PLAC1: variants seen among roughly 807,000 people sequenced by gnomAD.
The protein encoded by PLAC1 is placenta-specific protein 1.
For synonymous variants in PLAC1, 68 were observed against 62.1 expected, an observed-to-expected ratio of 1.09 and a Z score of -0.44; for missense variants, 136 against 163.2, an observed-to-expected ratio of 0.83 and a Z score of 0.91.
intron 1 of PLAC1, among the ~76,000 whole-genome samples, chrX:134,751,340 C>G (rs1469666791): frequency 9.2e-6 from 1 of 109,127 alleles, no homozygotes; most frequent in Non-Finnish European, 1.9e-5. Context: ...TATTTCCTAT[C>G]CCATTGGCTC....
intron 1 of PLAC1, among the ~76,000 whole-genome samples, chrX:134,654,679 G>C (rs2078380438): frequency 8.9e-6 from 1 of 112,303 alleles, no homozygotes; most frequent in Non-Finnish European, 1.9e-5. Flanking sequence ...CAGTGGCTCA[G>C]AGGCCATGTT....
In PLAC1 at chrX:134,744,895, T is replaced by C. The variant is rs139156335; in HGVS notation, n.90-11376A>G. Among the ~76,000 whole-genome samples, 378 of 111,826 alleles carry C rather than the reference T, an allele frequency of 3.4e-3. 1 individual carries two copies. The highest frequency in any genetic ancestry group is 0.01 in the African/African-American group (318 of 30,757). On this transcript the variant is annotated intron_variant and non_coding_transcript_variant, in intron 1 of 2. Transcript: ENST00000466797. ...CACATACTCCTTGTCATTGAATAAA[T>C]TGGTGTTCCAGATTACAGTCTCTTC...
At chrX:134,580,372 C>T (rs1390080888) in intron 2 of PLAC1, among the ~76,000 whole-genome samples, 1 of 112,041 alleles carries the variant, frequency 8.9e-6, no homozygotes, top group African/African-American at 3.2e-5. Flanking sequence ...TCACTTAACC[C>T]TCATAGCAAC....
intron 2 of PLAC1, among the ~76,000 whole-genome samples, chrX:134,678,804 G>A (rs1207295198): frequency 9.0e-6 from 1 of 111,649 alleles, no homozygotes; most frequent in Non-Finnish European, 1.9e-5. Flanking sequence ...AAGGATTTTT[G>A]CAGATGTAAT....
In PLAC1 at chrX:134,672,961, C is replaced by T. The variant is rs750972167; in HGVS notation, n.174+60474G>A. Among the ~76,000 whole-genome samples the T allele has an allele frequency of 6.2e-5, 7 of 112,346 alleles. No homozygotes were observed. The East Asian group carries it at 2.0e-3, about 31-fold the overall frequency. ...ACTGAGTACTTTGTCAAGGCTCAAACTCCTTATGTAAGTCACAAAAATATG... is the reference window on the plus strand; with the variant it reads ...ACTGAGTACTTTGTCAAGGCTCAAATTCCTTATGTAAGTCACAAAAATATG... On this transcript the variant is annotated intron_variant and non_coding_transcript_variant, in intron 2 of 2. Transcript: ENST00000466797.
intron 2 of PLAC1, among the ~76,000 whole-genome samples, chrX:134,730,674 C>G (rs900703223): frequency 9.0e-6 from 1 of 111,068 alleles, no homozygotes; most frequent in African/African-American, 3.3e-5. Context: ...GTCTCAAATT[C>G]CTGGGCTCAG....
intron 1 of PLAC1, among the ~76,000 whole-genome samples, chrX:134,638,151 G>A (rs1006774779): frequency 8.9e-6 from 1 of 112,142 alleles, no homozygotes. Context: ...TCACTGGCAC[G>A]TATCGTTTAC....
At chrX:134,650,525 C>T (rs922585793) in intron 1 of PLAC1, among the ~76,000 whole-genome samples, 2 of 111,067 alleles carry the variant, frequency 1.8e-5, no homozygotes. Flanking sequence ...TCTCTGACCC[C>T]CTCAAAATGG....
At chrX:134,717,190 G>A (rs1424937054) in intron 2 of PLAC1, among the ~76,000 whole-genome samples, 1 of 111,563 alleles carries the variant, frequency 9.0e-6, no homozygotes, top group East Asian at 2.8e-4. Flanking sequence ...GTACGTGTGC[G>A]TTCTGGGTAG....
Position 134,690,075 on chromosome X carries a change from T to C in PLAC1, n.174+43360A>G, listed in dbSNP as rs2078531065. ...CCACCACTCTACTGTCTCTATAAAT[T>C]TGACTACTCTAGGTATCTCATATGA... On this transcript the variant is annotated intron_variant and non_coding_transcript_variant, in intron 2 of 2. Transcript: ENST00000466797. Among the ~76,000 whole-genome samples the C allele has an allele frequency of 5.4e-5, 6 of 111,578 alleles. No homozygotes were observed. In the South Asian group the frequency reaches 2.3e-3, roughly 42 times the overall value.
chrX:134,649,769 G>A (rs781005064), intron 1 of PLAC1, among the ~76,000 whole-genome samples: 2 of 112,323 alleles, frequency 1.8e-5, no homozygotes, highest in South Asian at 7.5e-4. Flanking sequence ...GAAGTGCTGG[G>A]CCTCAGAAAA....
At chrX:134,717,080 C>G (rs189023455) in intron 2 of PLAC1, among the ~76,000 whole-genome samples, 219 of 111,745 alleles carry the variant, frequency 2.0e-3, no homozygotes, top group African/African-American at 6.6e-3. Context: ...ATTCTGTGGT[C>G]TAAACCTGAC....
intron 2 of PLAC1, among the ~76,000 whole-genome samples, chrX:134,703,024 T>A (rs1248393520): frequency 8.9e-6 from 1 of 111,993 alleles, no homozygotes; most frequent in Admixed American, 9.6e-5. Flanking sequence ...AAAAAAGGTG[T>A]TAAATTGTGT....
chrX:134,647,410 C>CTGTGTGTG lies in PLAC1; in HGVS notation c.-131+10910_-131+10917dup, dbSNP rs200761671. On this transcript the variant is annotated intron_variant, in intron 1 of 2. Coordinates refer to ENST00000359237, the MANE Select transcript of PLAC1 (RefSeq NM_021796.4). Reference sequence around the variant, plus strand: ...CTTCTATGTGTGGGCATGCATGCATCTGTGTGTGTGTGTGTGTGTGTGTGT... The same window carrying CTGTGTGTG: ...CTTCTATGTGTGGGCATGCATGCATCTGTGTGTGTGTGTGTGTGTGTGTGTGTGTGTGT... Among the ~76,000 whole-genome samples, 221 of 90,134 alleles carry CTGTGTGTG rather than the reference C, an allele frequency of 2.5e-3. 2 individuals carry two copies. Among genetic ancestry groups the CTGTGTGTG allele is most frequent in the African/African-American group, 8.6e-3 (207 of 24,089 alleles). 78.3% of individuals were successfully genotyped at this position (90,134 alleles called of 115,157 possible).
intron 1 of PLAC1, among the ~76,000 whole-genome samples, chrX:134,620,330 A>C (rs1364541293): frequency 8.9e-6 from 1 of 112,180 alleles, no homozygotes; most frequent in East Asian, 2.8e-4. Context: ...TCCAAACCCA[A>C]GTCATTCCAA....
intron 2 of PLAC1, among the ~76,000 whole-genome samples, chrX:134,570,050 G>A: frequency 9.0e-6 from 1 of 111,235 alleles, no homozygotes; most frequent in African/African-American, 3.3e-5. Context: ...GGCTGCTCTC[G>A]AACTCCTGAC....
intron 2 of PLAC1, among the ~76,000 whole-genome samples, chrX:134,698,838 G>A (rs2078573324): frequency 9.0e-6 from 1 of 111,039 alleles, no homozygotes; most frequent in South Asian, 3.8e-4. Context: ...CAAATATAAT[G>A]TGACCAGAAG....
chrX:134,614,199 T>C (rs2078168159), intron 1 of PLAC1, among the ~76,000 whole-genome samples: 1 of 111,356 alleles, frequency 9.0e-6, no homozygotes. Context: ...CAGTGTCTAG[T>C]TATACTTTCT....
At chrX:134,602,735 A>T (rs1434548123) in intron 1 of PLAC1, among the ~76,000 whole-genome samples, 1 of 110,803 alleles carries the variant, frequency 9.0e-6, no homozygotes, top group Non-Finnish European at 1.9e-5. Flanking sequence ...ATAGTATATG[A>T]TTCAATTTCT....
Sources: allele counts gnomAD v4.1 joint callset (sites outside exome capture counted in the v4.1 genomes callset), GRCh38; gene constraint gnomAD v4.1.1; transcripts MANE v1.5; gene names NCBI Gene and HGNC (gene_info 2026-07-23, HGNC 2026-07-21).